Variants in RBFOX1 observed in about 807,000 individuals in gnomAD.
The protein encoded by RBFOX1 is RNA binding protein fox-1 homolog 1.
RBFOX1 carries 8 observed loss-of-function variants against 57.7 expected under a neutral mutation model. The ratio of observed to expected loss-of-function variants is 0.14; its 90% CI spans 0.08 to 0.25. RBFOX1 has a LOEUF of 0.25. Among genes scored for constraint, RBFOX1 ranks in the 10% least tolerant of loss-of-function variants. The pLI is 1.00. For synonymous variants in RBFOX1, 326 were observed against 222.4 expected, an observed-to-expected ratio of 1.47 and a Z score of -4.15; for missense variants, 611 against 548.5, an observed-to-expected ratio of 1.11 and a Z score of -1.14.
intron 3 of RBFOX1, among the ~76,000 whole-genome samples, chr16:5,618,954 G>C (rs574758476): frequency 6.6e-6 from 1 of 152,260 alleles, no homozygotes; most frequent in East Asian, 1.9e-4. Context: ...GTAGCTGATG[G>C]GTGCCGGCTC....
intron 4 of RBFOX1, among the ~76,000 whole-genome samples, chr16:7,461,220 T>G (rs1250570609): frequency 6.6e-6 from 1 of 151,496 alleles, no homozygotes; most frequent in Non-Finnish European, 1.5e-5. Context: ...CAGGCTGGAG[T>G]GCAGTGGCAC....
chr16:7,143,133 G>C (rs1317239306), intron 4 of RBFOX1, among the ~76,000 whole-genome samples: 2 of 151,972 alleles, frequency 1.3e-5, no homozygotes, highest in Non-Finnish European at 2.9e-5. Context: ...TTTATGTTGG[G>C]GAAAGCAAAA....
chr16:6,762,140 T>C (rs1397727460), intron 3 of RBFOX1, among the ~76,000 whole-genome samples: 1 of 152,178 alleles, frequency 6.6e-6, no homozygotes, highest in Non-Finnish European at 1.5e-5. Context: ...GCTACCTCTG[T>C]CTTCTCCTCT....
chr16:7,512,213 A>G (rs768914629), intron 4 of RBFOX1, among the ~76,000 whole-genome samples: 1 of 152,172 alleles, frequency 6.6e-6, no homozygotes, highest in Admixed American at 6.5e-5. Flanking sequence ...ACTGTCCCCT[A>G]CATGAAGTTG....
At chr16:6,578,741 C>G (rs563657167) in intron 2 of RBFOX1, among the ~76,000 whole-genome samples, 7 of 151,568 alleles carry the variant, frequency 4.6e-5, no homozygotes, top group Non-Finnish European at 1.0e-4. Context: ...GTCAGTTATC[C>G]CAAGTTTTAG....
chr16:6,404,613 A>G (rs1177942211), intron 2 of RBFOX1, among the ~76,000 whole-genome samples: 2 of 152,060 alleles, frequency 1.3e-5, no homozygotes, highest in East Asian at 3.9e-4. Context: ...CAGCAGTCCT[A>G]GTTTGCTTGG....
intron 2 of RBFOX1, among the ~76,000 whole-genome samples, chr16:6,355,927 T>G (rs752268894): frequency 7.2e-5 from 11 of 152,104 alleles, no homozygotes; most frequent in Non-Finnish European, 1.5e-4. Context: ...ACAAAATGGG[T>G]GTAGGTCAAG....
At chr16:5,264,853 A>C (rs1311777156) in intron 1 of RBFOX1, among the ~76,000 whole-genome samples, 4 of 152,124 alleles carry the variant, frequency 2.6e-5, no homozygotes, top group South Asian at 4.1e-4. Flanking sequence ...GTCTTAGGGC[A>C]AGTTTGATGG....
chr16:6,325,768 A>G (rs2082301206), intron 2 of RBFOX1, among the ~76,000 whole-genome samples: 2 of 152,242 alleles, frequency 1.3e-5, no homozygotes. Context: ...GAGAAGCTCC[A>G]AAGCAAAAAA....
chr16:7,196,648 A>C (rs903278246), intron 4 of RBFOX1, among the ~76,000 whole-genome samples: 4 of 152,206 alleles, frequency 2.6e-5, no homozygotes, highest in Non-Finnish European at 5.9e-5. Context: ...TAGTTAGGCA[A>C]AGGAGACAGG....
chr16:5,658,425 C>G (rs148536790), intron 3 of RBFOX1, among the ~76,000 whole-genome samples: 22 of 152,234 alleles, frequency 1.4e-4, no homozygotes, highest in African/African-American at 5.1e-4. Flanking sequence ...TAACTTTGAT[C>G]ATCAGATTGG....
intron 1 of RBFOX1, among the ~76,000 whole-genome samples, chr16:6,165,781 A>G (rs2096912696): frequency 6.6e-6 from 1 of 152,144 alleles, no homozygotes; most frequent in Admixed American, 6.5e-5. Flanking sequence ...ACAATTGCTA[A>G]GGGTTATTTA....
rs148133933 is a variant in RBFOX1, at chr16:6,446,621, A to G, written c.-64+129564A>G. On this transcript the variant is annotated intron_variant, in intron 2 of 15. Transcript: ENST00000550418. ...CAATGACTTAAACAATTACTTACAG[A>G]TCCTTGGTTTCTTCATCTGTAAAAT... 1.5e-3 allele frequency among the ~76,000 whole-genome samples: 233 copies of G among 152,292 alleles called. 8 individuals are homozygous for G. In the East Asian group the frequency reaches 0.038, roughly 25 times the overall value.
At chr16:6,214,132 C>G (rs1218555255) in intron 1 of RBFOX1, among the ~76,000 whole-genome samples, 1 of 152,174 alleles carries the variant, frequency 6.6e-6, no homozygotes, top group East Asian at 1.9e-4. Context: ...TCAAATGAGA[C>G]AAACCCGTTG....
At chr16:6,321,379 A>G (rs947450874) in intron 2 of RBFOX1, among the ~76,000 whole-genome samples, 1 of 152,196 alleles carries the variant, frequency 6.6e-6, no homozygotes, top group African/African-American at 2.4e-5. Context: ...GCTGATACTT[A>G]GCTGTTATAG....
At chr16:6,370,731 G>C (rs1244884430) in intron 2 of RBFOX1, among the ~76,000 whole-genome samples, 4 of 152,126 alleles carry the variant, frequency 2.6e-5, no homozygotes, top group Non-Finnish European at 4.4e-5. Context: ...TTTCAGTTTT[G>C]GAAGTTGAGA....
chr16:5,525,415 G>A (rs2044201393), intron 2 of RBFOX1, among the ~76,000 whole-genome samples: 1 of 151,590 alleles, frequency 6.6e-6, no homozygotes, highest in South Asian at 2.1e-4. Context: ...GAGAAGGTGA[G>A]TGGTTTATCC....
At chr16:6,163,938 G>T (rs1173636161) in intron 1 of RBFOX1, among the ~76,000 whole-genome samples, 1 of 152,148 alleles carries the variant, frequency 6.6e-6, no homozygotes, top group African/African-American at 2.4e-5. Flanking sequence ...TTTACAATGT[G>T]ATGTTATGGG....
chr16:6,645,775 A>G (rs1861037), intron 2 of RBFOX1, among the ~76,000 whole-genome samples: 68,052 of 152,010 alleles, frequency 0.45, 15,965 homozygotes, highest in South Asian at 0.67. Context: ...ATAACTTGCC[A>G]TATGCTAAGA....
Sources: gnomAD v4.1 joint callset for allele counts (sites outside exome capture counted in the v4.1 genomes callset) on GRCh38, gnomAD v4.1.1 for gene constraint, MANE v1.5 for transcripts, NCBI Gene and HGNC (gene_info 2026-07-23, HGNC 2026-07-21) for gene names.